CLASP2: variants seen among roughly 807,000 people sequenced by gnomAD.
CLASP2 encodes cytoplasmic linker associated protein 2, also known as CLIP-associating protein 2.
CLASP2 carries 47 observed loss-of-function variants against 194.4 expected under a neutral mutation model. The ratio of observed to expected loss-of-function variants is 0.24; its 90% confidence interval spans 0.19 to 0.31. The LOEUF is 0.31. Ranked by LOEUF, CLASP2 falls within the 10% of genes least tolerant of loss-of-function variation. The pLI is 1.00. For synonymous variants in CLASP2, 619 were observed against 633.5 expected (o/e 0.98, Z 0.34); for missense variants, 1,445 against 1,823.6 (o/e 0.79, Z 3.78).
At chr3:33,649,940 C>T (rs2082905051) in intron 7 of CLASP2, among the ~76,000 whole-genome samples, 1 of 152,082 alleles carries the variant, frequency 6.6e-6, no homozygotes, top group Non-Finnish European at 1.5e-5. Context: ...TGCAAAATTT[C>T]CCTGGAAGAA....
chr3:33,592,701 TAAG>T (rs1560199565), intron 20 of CLASP2: 8 of 620,012 alleles, frequency 1.3e-5, no homozygotes, highest in Non-Finnish European at 8.6e-6. Context: ...CCTTCAAGGA[TAAG>T]AAGAATCAAA....
At chr3:33,706,556 ATTG>A (rs935881593) in intron 1 of CLASP2, among the ~76,000 whole-genome samples, 1 of 152,190 alleles carries the variant, frequency 6.6e-6, no homozygotes, top group Non-Finnish European at 1.5e-5. Context: ...TATAAATCTT[ATTG>A]TTGTTGACAG....
At chr3:33,662,286 T>G (rs2085430462) in intron 7 of CLASP2, among the ~76,000 whole-genome samples, 1 of 152,206 alleles carries the variant, frequency 6.6e-6, no homozygotes, top group South Asian at 2.1e-4. Flanking sequence ...GTAACTAACT[T>G]AGTCTGAAAT....
intron 2 of CLASP2, among the ~76,000 whole-genome samples, chr3:33,691,098 C>A (rs1415045719): frequency 6.6e-6 from 1 of 152,132 alleles, no homozygotes; most frequent in African/African-American, 2.4e-5. Context: ...GCTGGCCACT[C>A]ATCTCCTGCT....
intron 38 of CLASP2, among the ~76,000 whole-genome samples, chr3:33,500,623 G>A (rs954714308): frequency 6.6e-6 from 1 of 151,950 alleles, no homozygotes; most frequent in African/African-American, 2.4e-5. Context: ...CTTAAGATGA[G>A]ATTTTACCTA....
chr3:33,638,753 T>C (rs934256596), intron 8 of CLASP2, among the ~76,000 whole-genome samples: 8 of 152,252 alleles, frequency 5.3e-5, no homozygotes, highest in African/African-American at 1.4e-4. Flanking sequence ...ATGTGATAAA[T>C]GTAAGCCAAG....
intron 30 of CLASP2, among the ~76,000 whole-genome samples, chr3:33,550,851 A>G (rs938935124): frequency 6.6e-6 from 1 of 152,208 alleles, no homozygotes; most frequent in African/African-American, 2.4e-5. Context: ...AGAAAGTATG[A>G]GAAAGCTAGG....
chr3:33,577,925 AC>A (rs953155895), intron 23 of CLASP2, among the ~76,000 whole-genome samples: 1 of 152,176 alleles, frequency 6.6e-6, no homozygotes, highest in Non-Finnish European at 1.5e-5. Context: ...TTAATCTTAG[AC>A]TTCCTAGTCT....
intron 6 of CLASP2, among the ~76,000 whole-genome samples, chr3:33,677,699 T>G (rs1197243823): frequency 2.0e-5 from 3 of 148,362 alleles, no homozygotes; most frequent in South Asian, 4.2e-4. Flanking sequence ...ACTTAAAGTA[T>G]AATAATAATA....
chr3:33,690,604 T>G (rs2091240417), intron 2 of CLASP2, among the ~76,000 whole-genome samples: 1 of 152,212 alleles, frequency 6.6e-6, no homozygotes. Flanking sequence ...ATCCACAGCT[T>G]TACTTTCTGT....
chr3:33,639,737 G>C (rs2080943306), intron 8 of CLASP2, among the ~76,000 whole-genome samples: 1 of 152,140 alleles, frequency 6.6e-6, no homozygotes, highest in South Asian at 2.1e-4. Context: ...TCAATGATCT[G>C]GGATTCACAG....
chr3:33,708,340 TC>T (rs2092796696), intron 1 of CLASP2, among the ~76,000 whole-genome samples: 1 of 151,304 alleles, frequency 6.6e-6, no homozygotes, highest in South Asian at 2.1e-4. Context: ...TATTTGTCTT[TC>T]TGTGTCTGGC....
At chr3:33,512,218 T>A (rs1346019352) in intron 36 of CLASP2, among the ~76,000 whole-genome samples, 3 of 2,636 alleles carry the variant, frequency 1.1e-3, no homozygotes, top group African/African-American at 1.9e-3. Flanking sequence ...CATGGAATAC[T>A]ATGCAGCCAT....
intron 36 of CLASP2, among the ~76,000 whole-genome samples, chr3:33,510,980 T>A (rs538047298): frequency 6.6e-6 from 1 of 152,124 alleles, no homozygotes; most frequent in African/African-American, 2.4e-5. Context: ...TACATGGGCT[T>A]TATTACACTA....
chr3:33,574,463 A>G, intron 24 of CLASP2: 4 of 1,477,312 alleles, frequency 2.7e-6, no homozygotes, highest in Non-Finnish European at 3.6e-6. Flanking sequence ...GAAAATAGCA[A>G]TGTCTATACC....
At chr3:33,597,734 C>T (rs929363797) in intron 18 of CLASP2, among the ~76,000 whole-genome samples, 4 of 151,014 alleles carry the variant, frequency 2.6e-5, no homozygotes, top group Middle Eastern at 3.4e-3. Context: ...TGTTGCATTG[C>T]TGTATTTCTT....
intron 9 of CLASP2, 24 bp downstream of exon 9, chr3:33,632,268 G>A (rs989861408): frequency 2.0e-5 from 30 of 1,491,764 alleles, no homozygotes; most frequent in South Asian, 6.4e-5. Flanking sequence ...CAATATTCAC[G>A]GGGAGTGCCA....
intron 8 of CLASP2, among the ~76,000 whole-genome samples, chr3:33,634,681 A>G (rs1258928837): frequency 6.6e-6 from 1 of 152,240 alleles, no homozygotes; most frequent in Admixed American, 6.5e-5. Context: ...GATTTTAAGT[A>G]TTCTCACCAC....
chr3:33,540,232 AT>A (rs11398038), intron 32 of CLASP2, among the ~76,000 whole-genome samples: 79 of 122,062 alleles, frequency 6.5e-4, no homozygotes, highest in Admixed American at 8.1e-4. Context: ...GACTGGCCAA[AT>A]TTTTTTTTTT....
Sources: allele counts gnomAD v4.1 joint callset (sites outside exome capture counted in the v4.1 genomes callset), GRCh38; gene constraint gnomAD v4.1.1; transcripts MANE v1.5; gene names NCBI Gene and HGNC (gene_info 2026-07-23, HGNC 2026-07-21).